Variants in NDST4 observed in about 807,000 individuals in gnomAD.
NDST4 encodes N-heparan sulfate sulfotransferase 4.
A neutral mutation model predicts 100.8 loss-of-function variants in NDST4; 63 were observed. The observed-to-expected ratio is 0.62, with a 90% CI of 0.51 to 0.77. The LOEUF (loss-of-function observed/expected upper bound fraction) is 0.77. Ranked by LOEUF, NDST4 falls within the 30% of genes least tolerant of loss-of-function variation. The pLI is 0.00. For synonymous variants in NDST4, 377 were observed against 361.8 expected (o/e 1.04, Z -0.48); for missense variants, 943 against 1,018.4 (o/e 0.93, Z 1.01).
At chr4:114,991,725 G>A (rs1727045166) in intron 2 of NDST4, among the ~76,000 whole-genome samples, 1 of 151,824 alleles carries the variant, frequency 6.6e-6, no homozygotes, top group Admixed American at 6.6e-5. Flanking sequence ...ACAGACTTAG[G>A]CACAAAATTA....
At chr4:114,922,385 G>A (rs1168044276) in intron 6 of NDST4, among the ~76,000 whole-genome samples, 2 of 151,986 alleles carry the variant, frequency 1.3e-5, no homozygotes, top group East Asian at 1.9e-4. Flanking sequence ...TCCAAATGTC[G>A]GCCGGCCACT....
chr4:115,033,133 A>ATATATATATATATATATATGTG (rs1728151686), intron 2 of NDST4, among the ~76,000 whole-genome samples: 2 of 82,322 alleles, frequency 2.4e-5, no homozygotes, highest in East Asian at 7.1e-4. Flanking sequence ...ATATATGTGT[A>ATATATATATATATATATATGTG]TATATATATA....
intron 2 of NDST4, among the ~76,000 whole-genome samples, chr4:115,026,902 A>G (rs982384633): frequency 9.2e-5 from 14 of 152,186 alleles, no homozygotes; most frequent in Non-Finnish European, 1.6e-4. Context: ...AAATCAAAGT[A>G]GAATCACGTA....
chr4:115,104,771 G>T (rs1560601766), intron 1 of NDST4, among the ~76,000 whole-genome samples: 1 of 152,022 alleles, frequency 6.6e-6, no homozygotes, highest in African/African-American at 2.4e-5. Context: ...AGTAGAAAAA[G>T]GTGACTTAGA....
At chr4:115,041,230 A>T (rs1465063671) in intron 2 of NDST4, among the ~76,000 whole-genome samples, 2 of 152,068 alleles carry the variant, frequency 1.3e-5, no homozygotes, top group Admixed American at 6.6e-5. Flanking sequence ...GACTTACTTA[A>T]ATATTGAAAC....
At chr4:114,943,223 T>C (rs1278721271) in intron 4 of NDST4, among the ~76,000 whole-genome samples, 1 of 151,452 alleles carries the variant, frequency 6.6e-6, no homozygotes, top group African/African-American at 2.4e-5. Flanking sequence ...ACAGGACAAA[T>C]AGGTATTCAT....
chr4:115,105,329 A>T (rs1729813577), intron 1 of NDST4, among the ~76,000 whole-genome samples: 1 of 152,140 alleles, frequency 6.6e-6, no homozygotes, highest in African/African-American at 2.4e-5. Context: ...AGAATAGTAA[A>T]ATAATATGTT....
intron 4 of NDST4, among the ~76,000 whole-genome samples, chr4:114,965,928 T>G (rs1192516831): frequency 1.3e-5 from 2 of 152,040 alleles, no homozygotes; most frequent in Non-Finnish European, 2.9e-5. Context: ...TCTAGTTCTC[T>G]TTAGCCTTCA....
intron 2 of NDST4, among the ~76,000 whole-genome samples, chr4:115,041,169 G>A (rs920190616): frequency 1.4e-4 from 21 of 151,984 alleles, no homozygotes; most frequent in African/African-American, 4.3e-4. Context: ...AAAGACAGAC[G>A]TTAAGTGTCT....
chr4:114,842,621 A>G (rs1723451965), intron 10 of NDST4: 3 of 80,790 alleles, frequency 3.7e-5, no homozygotes, highest in African/African-American at 2.8e-4. Context: ...TCTCTACTAA[A>G]AAAAAAAAAA....
chr4:114,894,315 A>G (rs1186447440), intron 6 of NDST4, among the ~76,000 whole-genome samples: 3 of 152,176 alleles, frequency 2.0e-5, no homozygotes, highest in Admixed American at 6.5e-5. Flanking sequence ...CATTGAATCT[A>G]TAAATTACTT....
intron 2 of NDST4, among the ~76,000 whole-genome samples, chr4:115,004,283 T>A (rs1727363889): frequency 6.6e-6 from 1 of 152,208 alleles, no homozygotes; most frequent in Non-Finnish European, 1.5e-5. Context: ...ACTTAATTAT[T>A]AACACTTACT....
intron 7 of NDST4, among the ~76,000 whole-genome samples, chr4:114,856,998 T>C (rs767431504): frequency 1.2e-4 from 19 of 152,132 alleles, no homozygotes; most frequent in Non-Finnish European, 2.5e-4. Flanking sequence ...AGCTTCAAGT[T>C]TAGGATGGGG....
chr4:115,068,307 T>C (rs190589710), intron 2 of NDST4, among the ~76,000 whole-genome samples: 24 of 152,240 alleles, frequency 1.6e-4, no homozygotes, highest in Admixed American at 1.5e-3. Context: ...TACTTGTATC[T>C]AGATCAAGCC....
chr4:115,021,531 ACG>A (rs1727822337), intron 2 of NDST4, among the ~76,000 whole-genome samples: 2 of 110,110 alleles, frequency 1.8e-5, no homozygotes, highest in Admixed American at 1.0e-4. Flanking sequence ...ATATATACAC[ACG>A]TTCCACATAT....
In NDST4 at chr4:115,076,670, T is replaced by C; in HGVS notation, c.367A>G (p.Asn123Asp). ...GKGDIPPLTD[N>D]GKGKYTLVIY... ...ACTAAAGTATATTTCCCTTTGCCAT[T>C]ATCTGTAAGAGGAGGTATATCTCCC... The change falls in exon 2 of 14, where the codon AAT (asparagine) becomes GAT (aspartate). Residue 123 changes from asparagine (N) to aspartate (D), a missense_variant. Physicochemically the swap from Asn to Asp is conservative, Grantham distance 23 (BLOSUM62 1). Coordinates refer to ENST00000264363, the MANE Select transcript of NDST4 (RefSeq NM_022569.3). 3 of 1,613,906 alleles carry C rather than the reference T, an allele frequency of 1.9e-6. No individual in the cohort carries two copies. The South Asian group carries it at 3.3e-5, about 18-fold the overall frequency.
At chr4:115,040,182 T>A (rs1367033212) in intron 2 of NDST4, among the ~76,000 whole-genome samples, 1 of 151,466 alleles carries the variant, frequency 6.6e-6, no homozygotes, top group Non-Finnish European at 1.5e-5. Context: ...GCAACTTGTT[T>A]CCATGGTTTT....
intron 7 of NDST4, among the ~76,000 whole-genome samples, chr4:114,858,829 G>A (rs1477744337): frequency 6.6e-6 from 1 of 152,126 alleles, no homozygotes; most frequent in Non-Finnish European, 1.5e-5. Context: ...CAGGAGACAT[G>A]GGAAGGGGCT....
intron 6 of NDST4, among the ~76,000 whole-genome samples, chr4:114,908,533 C>T (rs1426623322): frequency 7.6e-6 from 1 of 132,172 alleles, no homozygotes; most frequent in East Asian, 2.1e-4. Context: ...AATGCTTGGC[C>T]CTTCCATTTT....
Sources: gnomAD v4.1 joint callset for allele counts (sites outside exome capture counted in the v4.1 genomes callset) on GRCh38, gnomAD v4.1.1 for gene constraint, MANE v1.5 for transcripts, NCBI Gene and HGNC (gene_info 2026-07-23, HGNC 2026-07-21) for gene names.